The following MROH6 variants were observed in gnomAD, a reference collection of about 807,000 sequenced individuals.
The protein encoded by MROH6 is maestro heat like repeat family member 6, also known as maestro heat-like repeat-containing protein family member 6.
Under a neutral mutation model 67.7 loss-of-function variants are expected in MROH6, and 62 were observed. The observed-to-expected ratio is 0.92, with a 90% CI of 0.75 to 1.13. MROH6 has a LOEUF of 1.13. MROH6 is among the 50% of genes most tolerant of loss of function. The probability of loss-of-function intolerance (pLI) is 0.00; values close to 1 mark genes in which losing one functional copy is unlikely to be tolerated. For synonymous variants in MROH6, 566 were observed against 470.8 expected, an observed-to-expected ratio of 1.20 and a Z score of -2.62; for missense variants, 1,175 against 1,029.1, an observed-to-expected ratio of 1.14 and a Z score of -1.94.
chr8:143,570,760 C>G (rs146929732), intron 4 of MROH6, 103 bp from the exon 5 acceptor site: 1 of 1,428,126 alleles, frequency 7.0e-7, no homozygotes, highest in Non-Finnish European at 9.4e-7. Flanking sequence ...GCCTCAGACA[C>G]GCATGGGACA....
In MROH6 at chr8:143,567,392, C is replaced by G. The variant is rs112599495; in HGVS notation, c.2007G>C (p.Ala669=). ...AAAHVSAQQV[A]MLARARGCPR... is the part of the protein sequence containing the mutation. ...GGCAGCCCCGGGCACGGGCCAGCAT[C>G]GCCACCTGCTGAGCGGACACGTGCG... The change falls in exon 14 of 14, where the codon GCG becomes GCC. Residue 669 remains alanine (A), a synonymous_variant. Coordinates refer to ENST00000398882, the MANE Select transcript of MROH6 (RefSeq NM_001100878.2). The G allele has an allele frequency of 0.012, 15,504 of 1,251,706 alleles. 144 individuals carry two copies. Among genetic ancestry groups the G allele is most frequent in the Non-Finnish European group, 0.014 (13,547 of 998,224 alleles). The allele number at this position is 1,251,706 out of a possible 1,614,324, so 77.5% of individuals were successfully genotyped here.
chr8:143,569,355 G>A, intron 9 of MROH6, 86 bp downstream of exon 9: 2 of 1,208,402 alleles, frequency 1.7e-6, no homozygotes, highest in South Asian at 3.6e-5. Context: ...GGGAGAGACG[G>A]GGGCGGGGCC....
rs1388408042 is a variant in MROH6 at position 143,570,290 on chromosome 8, C to A, written c.996G>T (p.Arg332Ser). The A allele has an allele frequency of 4.4e-6, 7 of 1,606,194 alleles. No homozygotes were observed. Among genetic ancestry groups the A allele is most frequent in the Non-Finnish European group, 5.9e-6 (7 of 1,178,516 alleles). Residue 332 changes from arginine (R) to serine (S), a missense_variant, in exon 6 of 14, where the codon AGG becomes AGT. Physicochemically the swap from Arg to Ser is moderately radical, Grantham distance 110. Coordinates refer to ENST00000398882, the MANE Select transcript of MROH6 (RefSeq NM_001100878.2). ...CCAGGTGGGTGTGGGCTCCCACCAG[C>A]CTCCTCCAGCCTCCTGCCTGCTCCA... ...TCMEQAGGWR[R>S]LVGAHTHLEG...
At chr8:143,569,046 G>A (rs1421015307) in intron 9 of MROH6, among the ~76,000 whole-genome samples, 13 of 60,594 alleles carry the variant, frequency 2.1e-4, no homozygotes, top group African/African-American at 8.8e-4. Context: ...CTGGGACGGA[G>A]ACACTGGGGG....
Position 143,570,357 on chromosome 8 carries a change from G to A in MROH6, c.929C>T (p.Ala310Val), listed in dbSNP as rs138647122. 354 of 1,610,720 alleles carry A rather than the reference G, an allele frequency of 2.2e-4. No homozygotes were observed. Among genetic ancestry groups the A allele is most frequent in the Middle Eastern group, 1.3e-3 (8 of 6,062 alleles). ...HASCAVEALK[A>V]LLTGDGGRMV... Reference sequence around the variant, plus strand: ...GCGGCCTCCATCCCCGGTGAGCAGCGCCTTCAAGGCCTCCACAGCACAGCT... The same window carrying A: ...GCGGCCTCCATCCCCGGTGAGCAGCACCTTCAAGGCCTCCACAGCACAGCT... The change falls in exon 6 of 14, where the codon GCG (alanine) becomes GTG (valine). Residue 310 changes from alanine to valine, a missense_variant. By Grantham distance (64) the Ala-to-Val change is moderately conservative. Transcript: ENST00000398882.
At chr8:143,571,328 C>T (rs1489921914) in intron 3 of MROH6, among the ~76,000 whole-genome samples, 1 of 151,476 alleles carries the variant, frequency 6.6e-6, no homozygotes, top group Non-Finnish European at 1.5e-5. Context: ...GCCAATTAAC[C>T]AAAGAGCCAG....
At position 143,572,437 on chromosome 8, in the gene MROH6, G is replaced by A; in HGVS notation, c.278C>T (p.Pro93Leu). Residue 93 changes from proline (P) to leucine (L), a missense_variant, in exon 1 of 14, where the codon CCT becomes CTT. Pro to Leu is a moderately conservative substitution (Grantham distance 98, BLOSUM62 -3). Transcript: ENST00000398882. Reference sequence around the variant, plus strand: ...CCCCGTCACCTGGTGGGGCCCCTCAGGGGCTGGTTCCAGGGCACTGTTGAG... The same window carrying A: ...CCCCGTCACCTGGTGGGGCCCCTCAAGGGCTGGTTCCAGGGCACTGTTGAG... Reference protein sequence around the residue: ...CSLNSALEPAPEGPHQVPQSS... With the variant: ...CSLNSALEPALEGPHQVPQSS... 1.9e-6 allele frequency: 3 copies of A among 1,585,582 alleles called. No individual in the cohort carries two copies. The highest frequency in any genetic ancestry group is 1.7e-4 in the Middle Eastern group (1 of 5,984).
In MROH6 at chr8:143,566,408, C is replaced by T. The variant is rs1396125605; in HGVS notation, c.*831G>A. On this transcript the variant is annotated 3_prime_UTR_variant, in exon 14 of 14. Coordinates refer to ENST00000398882, the MANE Select transcript of MROH6 (RefSeq NM_001100878.2). ...TGCAAGGACATTTCCAGGCAGGCATCCTAGGTGCAGGGACCTGCCGCCCAA... is the reference window on the plus strand; with the variant it reads ...TGCAAGGACATTTCCAGGCAGGCATTCTAGGTGCAGGGACCTGCCGCCCAA... 2.0e-5 allele frequency: 3 copies of T among 152,290 alleles called. No homozygotes were observed. The highest frequency in any genetic ancestry group is 7.2e-5 in the African/African-American group (3 of 41,450). The allele number at this position is 152,290 out of a possible 1,614,324, so 9.4% of individuals were successfully genotyped here. A position where few individuals can be genotyped will look rare whatever the true frequency, so the allele number is the denominator to read the frequency against.
In MROH6 at chr8:143,569,604, A is replaced by C; in HGVS notation, c.1313T>G (p.Val438Gly). The change falls in exon 9 of 14, where the codon GTG (valine) becomes GGG (glycine). Residue 438 changes from valine (V) to glycine (G), a missense_variant. By Grantham distance (109) the Val-to-Gly change is moderately radical. Coordinates refer to ENST00000398882, the MANE Select transcript of MROH6 (RefSeq NM_001100878.2). Reference protein sequence around the residue: ...LALNRRKVRHVSTLLPALLGA... With the variant: ...LALNRRKVRHGSTLLPALLGA... ...CAGGAGCGCCGGCAGCAGCGTGCTC[A>C]CGTGCCGCACCTGCTGGGACTCGGG... 2 of 1,576,422 alleles carry C rather than the reference A, an allele frequency of 1.3e-6. No homozygotes were observed. Among genetic ancestry groups the C allele is most frequent in the Non-Finnish European group, 1.7e-6 (2 of 1,163,182 alleles).
In MROH6 at chr8:143,571,010, GGGCT is replaced by G. The variant is rs1413523028; in HGVS notation, c.603-20_603-17del. ...GGCTGCTACCCTGAGGGTTTGGAGG[GGGCT>G]GGTGTGAGACAAGAGATGGGTGGGT... On this transcript the variant is annotated splice_polypyrimidine_tract_variant and intron_variant, in intron 3 of 13. Coordinates refer to ENST00000398882, the MANE Select transcript of MROH6 (RefSeq NM_001100878.2). 6.5e-7 allele frequency: 1 copy of G among 1,547,170 alleles called. No individual in the cohort carries two copies. The highest frequency in any genetic ancestry group is 2.4e-5 in the East Asian group (1 of 40,882).
chr8:143,569,396 G>C, intron 9 of MROH6, 45 bp downstream of exon 9: 1 of 1,363,916 alleles, frequency 7.3e-7, no homozygotes, highest in African/African-American at 1.6e-5. Flanking sequence ...GGCGGGGGCG[G>C]TGACAGCGGC....
At position 143,570,922 on chromosome 8, in the gene MROH6, C is replaced by G. The variant is rs1189703323; in HGVS notation, c.675G>C (p.Leu225=). 1 of 1,548,954 alleles carries G rather than the reference C, an allele frequency of 6.5e-7. No individual in the cohort carries two copies. The highest frequency in any genetic ancestry group is 1.2e-5 in the South Asian group (1 of 83,978). ...GCCCCGAAGCACCCTTCAGCGCCCA[C>G]AGCAGTTGCACCAGCACCTGCCCAT... The part of the protein sequence containing the change: ...RVNGQVLVQL[L]WALKGASGPE... Residue 225 remains leucine, a synonymous_variant, in exon 4 of 14, where the codon CTG becomes CTC. Coordinates refer to ENST00000398882, the MANE Select transcript of MROH6 (RefSeq NM_001100878.2).
Position 143,567,429 on chromosome 8 carries a change from ACAGC to A in MROH6, c.1966_1969del (p.Ala656TrpfsTer162). The A allele has an allele frequency of 7.5e-7, 1 of 1,328,006 alleles. No individual in the cohort carries two copies. The highest frequency in any genetic ancestry group is 3.0e-5 in the East Asian group (1 of 32,862). The allele number at this position is 1,328,006 out of a possible 1,614,324, so 82.3% of individuals were successfully genotyped here. Reference sequence around the variant, plus strand: ...AGCGGACACGTGCGCTGCCGCGGCCACAGCCGGCTTGGGGTCGCTCTGCAGTCGC... The same window carrying A: ...AGCGGACACGTGCGCTGCCGCGGCCACGGCTTGGGGTCGCTCTGCAGTCGC... On this transcript the variant is annotated frameshift_variant, in exon 14 of 14. Transcript: ENST00000398882. LOFTEE classifies it low-confidence loss of function (END_TRUNC).
Position 143,567,455 on chromosome 8 carries a change from T to C in MROH6, c.1944A>G (p.Arg648=), listed in dbSNP as rs10097556. 1,362,442 of 1,375,614 alleles carry C rather than the reference T, an allele frequency of 0.99. 675,697 individuals carry two copies. Among genetic ancestry groups the C allele is most frequent in the East Asian group, 1 (34,405 of 34,406 alleles). The allele number at this position is 1,375,614 out of a possible 1,614,324, so 85.2% of individuals were successfully genotyped here. The change falls in exon 14 of 14, where the codon CGA becomes CGG. Residue 648 remains arginine, a synonymous_variant. Transcript: ENST00000398882. ...CAGCCGGCTTGGGGTCGCTCTGCAG[T>C]CGCCCTAGGTCTGCGAGGAGATCGC... ...LLDSLFQDLG[R]LQSDPKPAVA...
At chr8:143,567,981 G>A in intron 11 of MROH6, 93 bp from the exon 12 acceptor site, 1 of 1,430,888 alleles carries the variant, frequency 7.0e-7, no homozygotes, top group Non-Finnish European at 9.3e-7. Context: ...GGTTCCAGGG[G>A]AGCCCCCAGG....
rs777453448 is a variant in MROH6, at chr8:143,567,862, G to A, written c.1791C>T (p.Pro597=). The A allele has an allele frequency of 5.2e-6, 8 of 1,528,648 alleles. No individual in the cohort carries two copies. The highest frequency in any genetic ancestry group is 7.0e-6 in the Non-Finnish European group (8 of 1,140,348). The allele number at this position is 1,528,648 out of a possible 1,614,324, so 94.7% of individuals were successfully genotyped here. ...AGCCCTGGGTCTGGCTCAGGAAGTT[G>A]GGCACGTGGCCTGGGTATCGCTGAA... ...RLVQRYPGHV[P]NFLSQTQGYL... The change falls in exon 12 of 14, where the codon CCC becomes CCT. Residue 597 remains proline (P), a synonymous_variant. Transcript: ENST00000398882.
intron 9 of MROH6, 63 bp downstream of exon 9, chr8:143,569,378 A>G (rs1823854694): frequency 1.7e-6 from 2 of 1,166,204 alleles, no homozygotes; most frequent in Admixed American, 8.0e-5. Flanking sequence ...GGAGGGAGAG[A>G]CTGGAAGGGC....
rs201178550 is a variant in MROH6 at position 143,572,635 on chromosome 8, C to A, written c.80G>T (p.Gly27Val). The change falls in exon 1 of 14, where the codon GGA becomes GTA. Residue 27 changes from glycine (G) to valine (V), a missense_variant. By Grantham distance (109) the Gly-to-Val change is moderately radical. Transcript: ENST00000398882. Reference protein sequence around the residue: ...GALTLTALTEGIRARQGQPQG... With the variant: ...GALTLTALTEVIRARQGQPQG... Reference sequence around the variant, plus strand: ...GGGCTGCCCCTGCCTGGCCCGGATTCCTTCAGTCAGTGCTGTCAGGGTTAG... The same window carrying A: ...GGGCTGCCCCTGCCTGGCCCGGATTACTTCAGTCAGTGCTGTCAGGGTTAG... The A allele has an allele frequency of 1.6e-5, 26 of 1,583,086 alleles. No homozygotes were observed. Among genetic ancestry groups the A allele is most frequent in the Non-Finnish European group, 2.1e-5 (25 of 1,169,886 alleles).
At position 143,572,194 on chromosome 8, in the gene MROH6, G is replaced by C. The variant is rs1209923468; in HGVS notation, c.295-9C>G. 1 of 1,611,980 alleles carries C rather than the reference G, an allele frequency of 6.2e-7. No homozygotes were observed. Among genetic ancestry groups the C allele is most frequent in the South Asian group, 1.1e-5 (1 of 91,024 alleles). On this transcript the variant is annotated splice_polypyrimidine_tract_variant and intron_variant, in intron 1 of 13. Transcript: ENST00000398882. The stretch of plus-strand genomic sequence containing the variant: ...CAGGAACTCTGGGGAACCTAGGGCA[G>C]GATGGGTGGGGCGTCTGAAGTGCCC...
Sources: allele counts gnomAD v4.1 joint callset (sites outside exome capture counted in the v4.1 genomes callset), GRCh38; gene constraint gnomAD v4.1.1; transcripts MANE v1.5; gene names NCBI Gene and HGNC (gene_info 2026-07-23, HGNC 2026-07-21).